The following DNMBP variants were observed in gnomAD, a reference collection of about 807,000 sequenced individuals.
The protein encoded by DNMBP is dynamin binding protein, also known as dynamin-binding protein.
A neutral mutation model predicts 150.0 loss-of-function variants in DNMBP; 87 were observed. The observed-to-expected ratio is 0.58, with a 90% CI of 0.49 to 0.69. The LOEUF (loss-of-function observed/expected upper bound fraction) is 0.69, where lower values mean the gene tolerates loss of function less well. DNMBP is among the 30% of genes least tolerant of loss of function. The pLI, the probability that DNMBP is intolerant of heterozygous loss-of-function variation, is 0.00. For missense variants in DNMBP, 1,774 were observed against 1,949.0 expected (o/e 0.91, Z 1.69); for synonymous variants, 711 against 750.4 (o/e 0.95, Z 0.86).
At chr10:99,891,976 C>T (rs1281232870) in intron 11 of DNMBP, among the ~76,000 whole-genome samples, 3 of 145,748 alleles carry the variant, frequency 2.1e-5, no homozygotes, top group African/African-American at 5.3e-5. Context: ...GGCGCCTCTG[C>T]CCGGCCGCCC....
intron 1 of DNMBP, among the ~76,000 whole-genome samples, chr10:100,004,588 G>A (rs2041048832): frequency 6.6e-6 from 1 of 152,068 alleles, no homozygotes; most frequent in Admixed American, 6.6e-5. Context: ...TAGAAAAACT[G>A]GGTCATTAAA....
At chr10:99,962,957 T>C (rs1840900342) in intron 3 of DNMBP, among the ~76,000 whole-genome samples, 1 of 151,200 alleles carries the variant, frequency 6.6e-6, no homozygotes, top group South Asian at 2.1e-4. Flanking sequence ...TGCTATTTTA[T>C]TGGTTATTTC....
intron 1 of DNMBP, among the ~76,000 whole-genome samples, chr10:99,985,518 T>C (rs962475490): frequency 6.6e-6 from 1 of 152,042 alleles, no homozygotes; most frequent in Admixed American, 6.6e-5. Flanking sequence ...GTTCCCTTTT[T>C]GTAGGGGCTG....
intron 2 of DNMBP, among the ~76,000 whole-genome samples, chr10:99,971,171 T>C (rs2133354215): frequency 6.6e-6 from 1 of 152,078 alleles, no homozygotes; most frequent in East Asian, 1.9e-4. Flanking sequence ...TGCAACCTCT[T>C]GAAGGAATCA....
At chr10:99,926,494 C>T (rs1361629702) in intron 4 of DNMBP, among the ~76,000 whole-genome samples, 3 of 152,098 alleles carry the variant, frequency 2.0e-5, no homozygotes, top group African/African-American at 7.2e-5. Context: ...TGACTCAAAA[C>T]AAGGGAAGCA....
At chr10:99,927,036 G>T (rs2040086438) in intron 4 of DNMBP, 1 of 152,450 alleles carries the variant, frequency 6.6e-6, no homozygotes, top group African/African-American at 2.4e-5. Context: ...GAGGCCTCAG[G>T]AGAATGACTG....
Position 99,956,445 on chromosome 10 carries a change from G to A in DNMBP, c.1029C>T (p.Asp343=), listed in dbSNP as rs552725422. 1.2e-6 allele frequency: 2 copies of A among 1,614,092 alleles called. No homozygotes were observed. Among genetic ancestry groups the A allele is most frequent in the East Asian group, 4.5e-5 (2 of 44,868 alleles). The part of the protein sequence containing the change: ...GVEEQRHETS[D]HEAEEPDCII... ...TGCAGTCAGGCTCCTCGGCCTCATGGTCACTGGTTTCATGTCTTTGTTCCT... is the reference window on the plus strand; with the variant it reads ...TGCAGTCAGGCTCCTCGGCCTCATGATCACTGGTTTCATGTCTTTGTTCCT... The change falls in exon 4 of 17, where the codon GAC becomes GAT. Residue 343 remains aspartate, a synonymous_variant. Transcript: ENST00000324109.
In DNMBP at chr10:99,881,295, G is replaced by A. The variant is rs147790891; in HGVS notation, c.3998-934C>T. 7.6e-4 allele frequency among the ~76,000 whole-genome samples: 116 copies of A among 152,218 alleles called. 2 individuals carry two copies. The highest frequency in any genetic ancestry group is 2.7e-3 in the African/African-American group (114 of 41,538). ...CCTGCCCTCTTTCCCACCAGGACAC[G>A]TGAATCCTTTGCTCTGAGAGTCTGG... On this transcript the variant is annotated intron_variant, in intron 15 of 16. Transcript: ENST00000324109.
At chr10:100,005,764 C>CAAAAAAAAAAAAAAAA (rs760685767) in intron 1 of DNMBP, among the ~76,000 whole-genome samples, 1 of 37,978 alleles carries the variant, frequency 2.6e-5, no homozygotes, top group Non-Finnish European at 5.4e-5. Flanking sequence ...CAAAAGTCTC[C>CAAAAAAAAAAAAAAAA]AAAAAAAAAA....
chr10:99,961,534 T>C (rs1405531350), intron 3 of DNMBP, among the ~76,000 whole-genome samples: 1 of 147,610 alleles, frequency 6.8e-6, no homozygotes, highest in Admixed American at 6.8e-5. Flanking sequence ...AGTGCTGGGA[T>C]TTCAGGTATG....
At chr10:99,886,109 G>C (rs2039457928) in intron 13 of DNMBP, among the ~76,000 whole-genome samples, 191 bp downstream of exon 13, 1 of 152,170 alleles carries the variant, frequency 6.6e-6, no homozygotes, top group South Asian at 2.1e-4. Flanking sequence ...CTGCTCAAGA[G>C]GGAAAAGATG....
chr10:99,935,721 C>T (rs1211326850), intron 4 of DNMBP, among the ~76,000 whole-genome samples: 2 of 152,086 alleles, frequency 1.3e-5, no homozygotes, highest in African/African-American at 2.4e-5. Context: ...TACACCCTGC[C>T]GCCCGGCTAA....
intron 4 of DNMBP, among the ~76,000 whole-genome samples, chr10:99,920,144 C>G (rs941662903): frequency 6.6e-6 from 1 of 150,980 alleles, no homozygotes; most frequent in Admixed American, 6.6e-5. Flanking sequence ...GATGTGATCT[C>G]GCCTCACCGC....
intron 1 of DNMBP, among the ~76,000 whole-genome samples, chr10:99,994,688 C>T (rs928869044): frequency 6.6e-6 from 1 of 152,148 alleles, no homozygotes; most frequent in African/African-American, 2.4e-5. Context: ...TTGCCAAATG[C>T]CTTCCAGGAA....
intron 13 of DNMBP, among the ~76,000 whole-genome samples, chr10:99,886,070 C>T (rs780673241): frequency 4.6e-5 from 7 of 152,154 alleles, no homozygotes; most frequent in Non-Finnish European, 7.4e-5. Flanking sequence ...GCACTGCCTG[C>T]GGGCCAGGTT....
At chr10:99,924,194 T>C (rs1414552859) in intron 4 of DNMBP, among the ~76,000 whole-genome samples, 1 of 150,530 alleles carries the variant, frequency 6.6e-6, no homozygotes, top group Non-Finnish European at 1.5e-5. Flanking sequence ...TCCCAGTACT[T>C]TGGGAGGCCG....
chr10:99,975,500 G>A (rs1449684317), intron 1 of DNMBP, among the ~76,000 whole-genome samples: 5 of 151,932 alleles, frequency 3.3e-5, no homozygotes, highest in Non-Finnish European at 7.4e-5. Context: ...TATTTAATTT[G>A]TACTGTCAAG....
intron 16 of DNMBP, among the ~76,000 whole-genome samples, chr10:99,878,608 A>C (rs1470985412): frequency 3.3e-5 from 5 of 152,188 alleles, no homozygotes; most frequent in Non-Finnish European, 5.9e-5. Context: ...AAGTGGGTAA[A>C]AACTGGACTC....
intron 15 of DNMBP, 89 bp downstream of exon 15, chr10:99,883,919 CTTT>C: frequency 1.6e-6 from 2 of 1,220,678 alleles, no homozygotes; most frequent in East Asian, 2.3e-5. Context: ...ATACTTTTTG[CTTT>C]TTTTTCCTGG....
Sources: allele counts gnomAD v4.1 joint callset (sites outside exome capture counted in the v4.1 genomes callset), GRCh38; gene constraint gnomAD v4.1.1; transcripts MANE v1.5; gene names NCBI Gene and HGNC (gene_info 2026-07-23, HGNC 2026-07-21).